TCF4: variants seen among roughly 807,000 people sequenced by gnomAD.
The protein encoded by TCF4 is transcription factor 4, also known as SL3-3 enhancer factor 2.
Under a neutral mutation model 82.1 loss-of-function variants are expected in TCF4, and 3 were observed. The ratio of observed to expected loss-of-function variants is 0.04; its 90% confidence interval spans 0.02 to 0.09. TCF4 has a LOEUF of 0.09. Ranked by LOEUF, TCF4 falls within the 10% of genes least tolerant of loss-of-function variation. The pLI, the probability that TCF4 is intolerant of heterozygous loss-of-function variation, is 1.00. For synonymous variants in TCF4, 276 were observed against 309.6 expected, an observed-to-expected ratio of 0.89 and a Z score of 1.14; for missense variants, 518 against 852.7, an observed-to-expected ratio of 0.61 and a Z score of 4.89.
At chr18:55,631,306 C>T in exon 2 of TCF4, 2 of 1,502,952 alleles carry the variant, frequency 1.3e-6, no homozygotes, top group South Asian at 1.2e-5. Flanking sequence ...ACCTTGGCCT[C>T]CCAAAGTGCT....
At chr18:55,377,127 C>A (rs903120695) in intron 6 of TCF4, among the ~76,000 whole-genome samples, 2 of 152,234 alleles carry the variant, frequency 1.3e-5, no homozygotes, top group African/African-American at 4.8e-5. Flanking sequence ...AGTGACTCTC[C>A]ATCAACATGT....
At chr18:55,321,535 G>T in intron 8 of TCF4, 1 of 1,307,104 alleles carries the variant, frequency 7.7e-7, no homozygotes, top group Non-Finnish European at 1.1e-6. Context: ...ATTGGCAAAT[G>T]ATAAATATTT....
At chr18:55,312,059 A>G (rs977300619) in intron 8 of TCF4, among the ~76,000 whole-genome samples, 1 of 152,198 alleles carries the variant, frequency 6.6e-6, no homozygotes, top group Non-Finnish European at 1.5e-5. Flanking sequence ...CCTATTGGCA[A>G]TGCATCTGTG....
chr18:55,512,986 A>G (rs1389087746), intron 3 of TCF4, among the ~76,000 whole-genome samples: 2 of 152,168 alleles, frequency 1.3e-5, no homozygotes, highest in Non-Finnish European at 1.5e-5. Context: ...CAGGCCAGTG[A>G]ATAACTGGTA....
intron 3 of TCF4, among the ~76,000 whole-genome samples, chr18:55,517,217 T>C (rs1433718535): frequency 2.0e-5 from 3 of 152,190 alleles, no homozygotes; most frequent in Admixed American, 6.5e-5. Context: ...GCAAGCATGA[T>C]GTAAGCAGAG....
intron 3 of TCF4, among the ~76,000 whole-genome samples, chr18:55,536,319 A>G (rs2097114100): frequency 6.6e-6 from 1 of 152,210 alleles, no homozygotes; most frequent in Non-Finnish European, 1.5e-5. Flanking sequence ...CAATAGTCAA[A>G]CGTACATTCA....
At chr18:55,470,631 C>T (rs1453880811) in intron 3 of TCF4, among the ~76,000 whole-genome samples, 1 of 152,056 alleles carries the variant, frequency 6.6e-6, no homozygotes, top group African/African-American at 2.4e-5. Context: ...ATGAAAGTTA[C>T]CTAGATTGAT....
intron 5 of TCF4, among the ~76,000 whole-genome samples, chr18:55,456,996 T>C (rs1043916532): frequency 6.6e-6 from 1 of 152,202 alleles, no homozygotes; most frequent in South Asian, 2.1e-4. Context: ...AAACAATGCA[T>C]GGAATTTCAA....
intron 3 of TCF4, among the ~76,000 whole-genome samples, chr18:55,535,272 G>C (rs1311528148): frequency 6.6e-6 from 1 of 152,160 alleles, no homozygotes; most frequent in African/African-American, 2.4e-5. Context: ...CAAACTCTTA[G>C]CAGCGGACTC....
At chr18:55,383,729 G>A (rs1016717104) in intron 6 of TCF4, among the ~76,000 whole-genome samples, 1 of 152,164 alleles carries the variant, frequency 6.6e-6, no homozygotes, top group African/African-American at 2.4e-5. Flanking sequence ...AGAGATTCTG[G>A]AATCTTACGC....
At position 55,335,467 on chromosome 18, in the gene TCF4, T is replaced by G. The variant is rs180892542; in HGVS notation, c.549+14892A>C. Among the ~76,000 whole-genome samples the G allele has an allele frequency of 2.6e-5, 4 of 152,330 alleles. No individual in the cohort carries two copies. The East Asian group carries it at 7.7e-4, about 29-fold the overall frequency. The stretch of plus-strand genomic sequence containing the variant: ...AATCAAAGAAGGGAAATCAGCTGTT[T>G]ATGCTTTCAACTCATTTTAACCTTT... On this transcript the variant is annotated intron_variant, in intron 8 of 19. Transcript: ENST00000354452.
chr18:55,601,708 C>A (rs192956872), intron 2 of TCF4, among the ~76,000 whole-genome samples: 91 of 152,222 alleles, frequency 6.0e-4, no homozygotes, highest in African/African-American at 2.1e-3. Flanking sequence ...CACTTAAACC[C>A]GGCAGGCAGA....
chr18:55,287,075 T>C (rs1269770160), intron 8 of TCF4, among the ~76,000 whole-genome samples: 2 of 151,828 alleles, frequency 1.3e-5, no homozygotes, highest in African/African-American at 4.8e-5. Flanking sequence ...ATTGGTAGTC[T>C]GAAAAAAAAA....
intron 6 of TCF4, among the ~76,000 whole-genome samples, chr18:55,394,417 G>T (rs1330550947): frequency 6.6e-6 from 1 of 151,960 alleles, no homozygotes; most frequent in Admixed American, 6.6e-5. Context: ...ACATATATCT[G>T]GTATTCAAGT....
chr18:55,317,879 A>C (rs1466216529), intron 8 of TCF4, among the ~76,000 whole-genome samples: 1 of 152,106 alleles, frequency 6.6e-6, no homozygotes, highest in East Asian at 1.9e-4. Context: ...TATGGACTTG[A>C]AAAGCTGCAT....
chr18:55,545,733 A>G (rs766221508), intron 3 of TCF4, among the ~76,000 whole-genome samples: 1 of 152,182 alleles, frequency 6.6e-6, no homozygotes, highest in South Asian at 2.1e-4. Context: ...TACAGGCGTG[A>G]GACACCACGC....
intron 3 of TCF4, among the ~76,000 whole-genome samples, chr18:55,502,442 A>G (rs879503293): frequency 3.3e-5 from 5 of 152,194 alleles, no homozygotes; most frequent in African/African-American, 7.2e-5. Context: ...ATGACATTTA[A>G]AGGACAATGC....
intron 8 of TCF4, among the ~76,000 whole-genome samples, chr18:55,329,853 C>T (rs534878979): frequency 1.5e-4 from 23 of 152,216 alleles, no homozygotes; most frequent in African/African-American, 5.3e-4. Flanking sequence ...CCTCTTCAGG[C>T]ATGATTATCA....
At chr18:55,540,043 A>C (rs1408362152) in intron 3 of TCF4, among the ~76,000 whole-genome samples, 1 of 147,494 alleles carries the variant, frequency 6.8e-6, no homozygotes, top group Non-Finnish European at 1.5e-5. Context: ...TGAAACAGAG[A>C]TGCAAAAAAA....
Sources: gnomAD v4.1 joint callset for allele counts (sites outside exome capture counted in the v4.1 genomes callset) on GRCh38, gnomAD v4.1.1 for gene constraint, MANE v1.5 for transcripts, NCBI Gene and HGNC (gene_info 2026-07-23, HGNC 2026-07-21) for gene names.